The following CRHR2 variants were observed in gnomAD, a reference collection of about 807,000 sequenced individuals.
CRHR2 encodes the protein corticotropin releasing hormone receptor 2.
A neutral mutation model predicts 57.9 loss-of-function variants in CRHR2; 53 were observed. The ratio of observed to expected loss-of-function variants is 0.92; its 90% CI spans 0.73 to 1.15. CRHR2 has a LOEUF of 1.15. Among genes scored for constraint, CRHR2 ranks in the 50% most tolerant of loss-of-function variants. CRHR2 has a pLI of 0.00. For missense variants in CRHR2, 532 were observed against 542.6 expected, an observed-to-expected ratio of 0.98 and a Z score of 0.19; for synonymous variants, 213 against 220.9, an observed-to-expected ratio of 0.96 and a Z score of 0.32.
chr7:30,686,664 A>G (rs1372854124), upstream of CRHR2: 5 of 700,022 alleles, frequency 7.1e-6, no homozygotes, highest in African/African-American at 3.6e-5. Context: ...GGATTTTTAT[A>G]TCATCTATGG....
intron 1 of CRHR2, among the ~76,000 whole-genome samples, chr7:30,692,168 A>T (rs1214217340): frequency 6.6e-6 from 1 of 152,186 alleles, no homozygotes; most frequent in African/African-American, 2.4e-5. Flanking sequence ...GGCACGTAGA[A>T]TGCGCACGCT....
At chr7:30,694,183 C>T (rs1282981567) in intron 1 of CRHR2, among the ~76,000 whole-genome samples, 1 of 152,218 alleles carries the variant, frequency 6.6e-6, no homozygotes, top group Non-Finnish European at 1.5e-5. Flanking sequence ...ACCCCTAATC[C>T]CGGGAGACCA....
At chr7:30,698,629 C>T (rs987093325) in intron 1 of CRHR2, among the ~76,000 whole-genome samples, 3 of 152,174 alleles carry the variant, frequency 2.0e-5, no homozygotes, top group African/African-American at 4.8e-5. Context: ...ATCTGCCTAT[C>T]GGACACTGAC....
At chr7:30,693,573 T>C (rs747828092) in intron 1 of CRHR2, among the ~76,000 whole-genome samples, 3 of 152,194 alleles carry the variant, frequency 2.0e-5, no homozygotes, top group African/African-American at 4.8e-5. Context: ...TAAATAGAAA[T>C]GTTTCCTTGA....
intron 2 of CRHR2, among the ~76,000 whole-genome samples, chr7:30,677,204 A>T (rs1422376327): frequency 4.3e-5 from 6 of 138,356 alleles, no homozygotes; most frequent in Admixed American, 4.1e-4. Context: ...ATGGAGAAAG[A>T]GAGAGAGAGG....
At position 30,656,091 on chromosome 7, in the gene CRHR2, C is replaced by A; in HGVS notation, c.832-79G>T. 1 of 1,346,200 alleles carries A rather than the reference C, an allele frequency of 7.4e-7. No homozygotes were observed. The highest frequency in any genetic ancestry group is 1.2e-5 in the South Asian group (1 of 84,070). The allele number at this position is 1,346,200 out of a possible 1,614,324, so 83.4% of individuals were successfully genotyped here. On this transcript the variant is annotated intron_variant, in intron 8 of 11. Transcript: ENST00000471646. The surrounding 1 kb of genome is among the most constrained non-coding windows in gnomAD (Gnocchi z 4.4). ...GATGAGCCGAGAGGCAGCCCCCTTC[C>A]CCGCAGACCCCTGGAAACCGATGTC... is the stretch of plus-strand genomic sequence containing the variant.
At position 30,662,610 on chromosome 7, in the gene CRHR2, T is replaced by C. The variant is rs1784047573; in HGVS notation, c.697+84A>G. 6 of 1,536,238 alleles carry C rather than the reference T, an allele frequency of 3.9e-6. No homozygotes were observed. The Admixed American group carries it at 9.2e-5, about 23-fold the overall frequency. ...GGGGGTGGAGGGCAGGGCCAGGCTCTGGTCCTTGGACCCAAGACGAAGGGA... is the reference window on the plus strand; with the variant it reads ...GGGGGTGGAGGGCAGGGCCAGGCTCCGGTCCTTGGACCCAAGACGAAGGGA... On this transcript the variant is annotated intron_variant, in intron 6 of 11. Coordinates refer to ENST00000471646, the MANE Select transcript of CRHR2 (RefSeq NM_001883.5).
At chr7:30,682,478 C>T (rs574929798), upstream of CRHR2, 11 of 1,323,918 alleles carry the variant, frequency 8.3e-6, no homozygotes, top group Admixed American at 8.4e-5. Flanking sequence ...CGGAGAGGAG[C>T]CGCCGAGTGC....
At chr7:30,662,904 C>T (rs1784067366) in intron 5 of CRHR2, 57 bp from the exon 6 acceptor site, 14 of 1,582,738 alleles carry the variant, frequency 8.8e-6, no homozygotes, top group Non-Finnish European at 1.2e-5. Context: ...GTAGGACATA[C>T]CCATCCCCAG....
At chr7:30,693,416 C>A (rs939415867) in intron 1 of CRHR2, among the ~76,000 whole-genome samples, 1 of 152,136 alleles carries the variant, frequency 6.6e-6, no homozygotes, top group Non-Finnish European at 1.5e-5. Context: ...GGATTGGGGG[C>A]TTCTGGTTGG....
intron 2 of CRHR2, among the ~76,000 whole-genome samples, chr7:30,679,087 C>T (rs1241433516): frequency 6.6e-6 from 1 of 152,196 alleles, no homozygotes; most frequent in African/African-American, 2.4e-5. Flanking sequence ...GGCACAAAGC[C>T]CAGCCTGTCT....
At chr7:30,686,645 A>G (rs1407897387), upstream of CRHR2, 3 of 839,134 alleles carry the variant, frequency 3.6e-6, no homozygotes, top group Admixed American at 6.4e-5. Flanking sequence ...ATAAATAAAT[A>G]GTCCATTTGG....
At chr7:30,655,156 G>A in intron 10 of CRHR2, 76 bp from the exon 11 acceptor site, 1 of 1,451,768 alleles carries the variant, frequency 6.9e-7, no homozygotes, top group Admixed American at 1.9e-5. Flanking sequence ...TGGCACTGGG[G>A]ACAAGATGGT....
intron 1 of CRHR2, chr7:30,699,828 A>G: frequency 2.8e-6 from 2 of 706,746 alleles, no homozygotes; most frequent in Non-Finnish European, 4.4e-6. Context: ...ATCAGACACA[A>G]GGATCCCCGA....
At chr7:30,696,562 G>A (rs1342699872) in intron 1 of CRHR2, among the ~76,000 whole-genome samples, 4 of 151,746 alleles carry the variant, frequency 2.6e-5, no homozygotes, top group Non-Finnish European at 4.4e-5. Flanking sequence ...TCTACTAAAA[G>A]TACAAAAAAA....
chr7:30,659,658 C>T (rs1276243297), intron 8 of CRHR2, among the ~76,000 whole-genome samples: 1 of 152,186 alleles, frequency 6.6e-6, no homozygotes, highest in Non-Finnish European at 1.5e-5. Flanking sequence ...ATCAAGGACA[C>T]TCCAAAGATG....
At chr7:30,686,334 C>G (rs1177986382), upstream of CRHR2, 2 of 1,466,952 alleles carry the variant, frequency 1.4e-6, no homozygotes, top group Admixed American at 2.5e-5. Flanking sequence ...ATCCCCAGCA[C>G]CCATTGGAAT....
upstream of CRHR2, among the ~76,000 whole-genome samples, chr7:30,686,125 C>T (rs4723003): frequency 0.12 from 17,823 of 152,242 alleles, 1,186 homozygotes; most frequent in South Asian, 0.2. Context: ...AGAAACCATT[C>T]GCTATCTCTG....
rs1783655518 is a variant in CRHR2, at chr7:30,653,361, C to T, written c.*99G>A. 1 of 1,498,872 alleles carries T rather than the reference C, an allele frequency of 6.7e-7. No individual in the cohort carries two copies. 92.8% of individuals were successfully genotyped at this position (1,498,872 alleles called of 1,614,324 possible). Reference sequence around the variant, plus strand: ...CCAGGCTGGAGAGCTGGTCTCTCCCCTCCCATCTCCTGCCCCACGAGAGCC... The same window carrying T: ...CCAGGCTGGAGAGCTGGTCTCTCCCTTCCCATCTCCTGCCCCACGAGAGCC... On this transcript the variant is annotated 3_prime_UTR_variant, in exon 12 of 12. Coordinates refer to ENST00000471646, the MANE Select transcript of CRHR2 (RefSeq NM_001883.5). This position sits in a 1 kb window ranked among gnomAD's most constrained non-coding sequence, Gnocchi z 5.0.
Sources: gnomAD v4.1 joint callset for allele counts (sites outside exome capture counted in the v4.1 genomes callset) on GRCh38, gnomAD v4.1.1 for gene constraint, Gnocchi (gnomAD v3.1) non-coding constraint, MANE v1.5 for transcripts, NCBI Gene and HGNC (gene_info 2026-07-23, HGNC 2026-07-21) for gene names.